Variants in PCBP3 observed in about 807,000 individuals in gnomAD.
PCBP3 encodes poly(rC) binding protein 3.
PCBP3 carries 25 observed loss-of-function variants against 52.7 expected under a neutral mutation model. That is an observed-to-expected ratio of 0.47 (90% CI 0.35 to 0.66). The LOEUF (loss-of-function observed/expected upper bound fraction) is 0.66. Among genes scored for constraint, PCBP3 ranks in the 30% least tolerant of loss-of-function variants. PCBP3 has a pLI of 0.01. For missense variants in PCBP3, 391 were observed against 490.3 expected (o/e 0.80, Z 1.91); for synonymous variants, 162 against 183.0 (o/e 0.89, Z 0.93).
At chr21:45,847,140 T>C (rs1050416162) in intron 4 of PCBP3, among the ~76,000 whole-genome samples, 1 of 152,214 alleles carries the variant, frequency 6.6e-6, no homozygotes, top group Non-Finnish European at 1.5e-5. Context: ...GGAAGGTCTG[T>C]GTTTTGTTCT....
At chr21:45,905,852 G>C (rs993999047) in intron 9 of PCBP3, among the ~76,000 whole-genome samples, 1 of 152,162 alleles carries the variant, frequency 6.6e-6, no homozygotes, top group Non-Finnish European at 1.5e-5. Context: ...GGATGAACTT[G>C]GTCCGGTTCT....
At chr21:45,884,768 G>T (rs543287670) in intron 5 of PCBP3, among the ~76,000 whole-genome samples, 6 of 152,252 alleles carry the variant, frequency 3.9e-5, no homozygotes, top group African/African-American at 1.4e-4. Context: ...TTGCCATGTT[G>T]CCCAGGCATA....
At chr21:45,913,805 C>G in intron 11 of PCBP3, 146 bp from the exon 12 acceptor site, 1 of 715,028 alleles carries the variant, frequency 1.4e-6, no homozygotes, top group East Asian at 2.7e-5. Flanking sequence ...CTCCCCTCCC[C>G]CAGCACTGCT....
intron 9 of PCBP3, among the ~76,000 whole-genome samples, chr21:45,903,815 C>T (rs549188397): frequency 1.3e-5 from 2 of 152,278 alleles, no homozygotes; most frequent in South Asian, 4.2e-4. Context: ...GGTCTGAGAT[C>T]AGCCGTCTGT....
chr21:45,851,397 A>G (rs1486736794), intron 5 of PCBP3, among the ~76,000 whole-genome samples: 2 of 152,196 alleles, frequency 1.3e-5, no homozygotes, highest in East Asian at 3.8e-4. Flanking sequence ...CTTTAATCCC[A>G]GCTACTCGGG....
chr21:45,935,426 C>A, intron 16 of PCBP3, 121 bp downstream of exon 16: 1 of 734,794 alleles, frequency 1.4e-6, no homozygotes, highest in Non-Finnish European at 2.5e-6. Flanking sequence ...ACCACCCCAA[C>A]CCCACTGTTT....
rs963204973 is a variant in PCBP3, at chr21:45,788,385, C to G, written c.-126+32933C>G. The G allele has an allele frequency of 2.6e-5, 4 of 152,660 alleles. No individual in the cohort carries two copies. Among genetic ancestry groups the G allele is most frequent in the African/African-American group, 9.7e-5 (4 of 41,444 alleles). 9.5% of individuals were successfully genotyped at this position (152,660 alleles called of 1,614,324 possible). ...AGAAGGAGACACTCCCAGGTACTCT[C>G]GTCTACCCCTGCTGGTGACCTGCCT... On this transcript the variant is annotated intron_variant, in intron 4 of 17. Coordinates refer to ENST00000681687, the MANE Select transcript of PCBP3 (RefSeq NM_001384156.1). This position sits in a 1 kb window ranked among gnomAD's most constrained non-coding sequence, Gnocchi z 4.3.
At chr21:45,742,348 G>A (rs2086514032) in intron 3 of PCBP3, among the ~76,000 whole-genome samples, 1 of 152,188 alleles carries the variant, frequency 6.6e-6, no homozygotes, top group South Asian at 2.1e-4. Context: ...GACACACCAG[G>A]TACTGCATAC....
rs182250472 is a variant in PCBP3, at chr21:45,724,745, C to G, written c.-199-10647C>G. Among the ~76,000 whole-genome samples, 2 of 151,620 alleles carry G rather than the reference C, an allele frequency of 1.3e-5. No homozygotes were observed. On this transcript the variant is annotated intron_variant, in intron 2 of 17. Coordinates refer to ENST00000681687, the MANE Select transcript of PCBP3 (RefSeq NM_001384156.1). This position sits in a 1 kb window ranked among gnomAD's most constrained non-coding sequence, Gnocchi z 5.3. ...GCTGGAGTGGCACTCTGTAACCCGCCCCCCCTCAGCTGGAGTGGCACTCTG... is the reference window on the plus strand; with the variant it reads ...GCTGGAGTGGCACTCTGTAACCCGCGCCCCCTCAGCTGGAGTGGCACTCTG...
chr21:45,786,765 T>TG (rs1325045414), intron 4 of PCBP3, among the ~76,000 whole-genome samples: 1 of 152,226 alleles, frequency 6.6e-6, no homozygotes, highest in Admixed American at 6.5e-5. Context: ...ACCTGCAATT[T>TG]GGGGGTGCCT....
At chr21:45,684,647 C>T (rs2082046806) in intron 2 of PCBP3, among the ~76,000 whole-genome samples, 1 of 152,150 alleles carries the variant, frequency 6.6e-6, no homozygotes, top group Non-Finnish European at 1.5e-5. Flanking sequence ...TTTCACCTTC[C>T]ACCATGAGTA....
chr21:45,774,950 T>A (rs750027271), intron 4 of PCBP3, among the ~76,000 whole-genome samples: 1 of 152,250 alleles, frequency 6.6e-6, no homozygotes, highest in Non-Finnish European at 1.5e-5. Flanking sequence ...TCTGTGTTCA[T>A]CAGGGATATT....
intron 1 of PCBP3, among the ~76,000 whole-genome samples, chr21:45,659,104 G>A (rs536223522): frequency 9.6e-5 from 14 of 145,300 alleles, no homozygotes; most frequent in Middle Eastern, 3.5e-3. Flanking sequence ...AAAAACTTTG[G>A]TTTCATTGTT....
At chr21:45,932,185 C>T (rs935335726) in intron 15 of PCBP3, among the ~76,000 whole-genome samples, 1 of 151,628 alleles carries the variant, frequency 6.6e-6, no homozygotes, top group Non-Finnish European at 1.5e-5. Flanking sequence ...GCCATGCCGT[C>T]CCGAGATGAA....
At chr21:45,792,438 G>T (rs2091667044) in intron 4 of PCBP3, among the ~76,000 whole-genome samples, 1 of 152,172 alleles carries the variant, frequency 6.6e-6, no homozygotes, top group Non-Finnish European at 1.5e-5. Context: ...TCTATTGTCT[G>T]TGGAAAGAAA....
chr21:45,693,953 T>C (rs1185046493), intron 2 of PCBP3, among the ~76,000 whole-genome samples: 1 of 152,140 alleles, frequency 6.6e-6, no homozygotes, highest in East Asian at 1.9e-4. Context: ...AATATATGAC[T>C]CTGTCAGTGC....
At chr21:45,835,151 G>A (rs535635047) in intron 4 of PCBP3, among the ~76,000 whole-genome samples, 1 of 152,324 alleles carries the variant, frequency 6.6e-6, no homozygotes, top group Admixed American at 6.5e-5. Context: ...TTTTCCTGAG[G>A]TGAGAGCCAG....
chr21:45,659,877 C>G (rs1386480930), intron 1 of PCBP3, among the ~76,000 whole-genome samples: 1 of 152,056 alleles, frequency 6.6e-6, no homozygotes, highest in Non-Finnish European at 1.5e-5. Context: ...CTGGTCTGTT[C>G]TAGAGAATGT....
intron 1 of PCBP3, among the ~76,000 whole-genome samples, chr21:45,647,677 T>G (rs1603069551): frequency 6.6e-6 from 1 of 151,808 alleles, no homozygotes; most frequent in South Asian, 2.1e-4. Flanking sequence ...AGTGAAGGAG[T>G]TGGGACCCTG....
Sources: allele counts gnomAD v4.1 joint callset (sites outside exome capture counted in the v4.1 genomes callset), GRCh38; gene constraint gnomAD v4.1.1; non-coding constraint Gnocchi (gnomAD v3.1); transcripts MANE v1.5; gene names NCBI Gene and HGNC (gene_info 2026-07-23, HGNC 2026-07-21).